Variants in USP37 observed in about 807,000 individuals in gnomAD.
USP37 encodes the protein ubiquitin specific peptidase 37, also known as ubiquitin carboxyl-terminal hydrolase 37.
Under a neutral mutation model 124.0 loss-of-function variants are expected in USP37, and 27 were observed. The observed-to-expected ratio is 0.22, with a 90% CI of 0.16 to 0.30. The LOEUF is 0.30. Among genes scored for constraint, USP37 ranks in the 10% least tolerant of loss-of-function variants. The pLI is 1.00. For missense variants in USP37, 889 were observed against 1,140.4 expected (o/e 0.78, Z 3.17); for synonymous variants, 365 against 388.0 (o/e 0.94, Z 0.70).
chr2:218,523,144 T>A (rs1270194898), intron 10 of USP37, among the ~76,000 whole-genome samples: 1 of 151,936 alleles, frequency 6.6e-6, no homozygotes, highest in Non-Finnish European at 1.5e-5. Context: ...GCGCCTATAA[T>A]CCCAGCTACT....
At chr2:218,494,613 G>A (rs1218345899) in intron 14 of USP37, among the ~76,000 whole-genome samples, 1 of 152,188 alleles carries the variant, frequency 6.6e-6, no homozygotes, top group African/African-American at 2.4e-5. Context: ...TAAAGACTAT[G>A]TGTGAGTCAA....
intron 18 of USP37, among the ~76,000 whole-genome samples, chr2:218,477,950 A>C (rs1401104312): frequency 1.3e-5 from 2 of 152,228 alleles, no homozygotes; most frequent in East Asian, 3.8e-4. Flanking sequence ...AGGTAAGCCG[A>C]AAATAAACTA....
At chr2:218,501,443 C>T (rs1559190117) in intron 11 of USP37, among the ~76,000 whole-genome samples, 1 of 152,090 alleles carries the variant, frequency 6.6e-6, no homozygotes, top group Non-Finnish European at 1.5e-5. Flanking sequence ...ACTGCTTCTG[C>T]TTCTGCCTAT....
At chr2:218,487,941 T>C (rs962872235) in intron 15 of USP37, among the ~76,000 whole-genome samples, 2 of 150,582 alleles carry the variant, frequency 1.3e-5, no homozygotes, top group African/African-American at 4.9e-5. Flanking sequence ...CCCAGGACTT[T>C]GGGAGGCCAA....
chr2:218,497,914 T>C, intron 12 of USP37, 57 bp from the exon 13 acceptor site: 1 of 1,587,236 alleles, frequency 6.3e-7, no homozygotes. Flanking sequence ...CGTGATATTT[T>C]AAAGAATAAT....
intron 1 of USP37, among the ~76,000 whole-genome samples, chr2:218,565,213 G>A (rs1004347098): frequency 6.6e-6 from 1 of 152,226 alleles, no homozygotes; most frequent in African/African-American, 2.4e-5. Context: ...ATGAGCCAAT[G>A]CAGCTGGCCA....
At chr2:218,471,619 T>C (rs572739637) in intron 20 of USP37, among the ~76,000 whole-genome samples, 74 of 152,360 alleles carry the variant, frequency 4.9e-4, no homozygotes, top group Admixed American at 2.8e-3. Flanking sequence ...TCCCACCAAC[T>C]GTGCCTTCCT....
chr2:218,505,986 CCT>C (rs1413856534), intron 11 of USP37, among the ~76,000 whole-genome samples: 7 of 151,758 alleles, frequency 4.6e-5, no homozygotes, highest in Non-Finnish European at 1.0e-4. Context: ...GCCTCAGTCC[CCT>C]GAGTATCTGG....
intron 20 of USP37, among the ~76,000 whole-genome samples, chr2:218,468,184 C>T (rs1241268857): frequency 1.3e-5 from 2 of 151,568 alleles, no homozygotes; most frequent in African/African-American, 4.9e-5. Context: ...GCCACCATAC[C>T]CGGCAATTTC....
chr2:218,496,768 C>G (rs2105989444), intron 13 of USP37, among the ~76,000 whole-genome samples: 1 of 152,170 alleles, frequency 6.6e-6, no homozygotes, highest in African/African-American at 2.4e-5. Flanking sequence ...CCTGCATCAG[C>G]CTCCCAAGTA....
In USP37 at chr2:218,488,328, T is replaced by C. The variant is rs1319960417; in HGVS notation, c.1566A>G (p.Gln522=). Residue 522 remains glutamine (Q), a synonymous_variant, in exon 15 of 26, where the codon CAA becomes CAG. Coordinates refer to ENST00000258399, the MANE Select transcript of USP37 (RefSeq NM_020935.3). ...RKKPLPPRSI[Q]DSLDLFFRAE... is the part of the protein sequence containing the mutation. ...CCCTAAAGAAAAGATCAAGAGAATC[T>C]TGAATTGAACGAGGAGGGAGTGGTT... 1 of 1,607,396 alleles carries C rather than the reference T, an allele frequency of 6.2e-7. No individual in the cohort carries two copies. Among genetic ancestry groups the C allele is most frequent in the Non-Finnish European group, 8.5e-7 (1 of 1,176,382 alleles).
chr2:218,513,976 A>AT (rs151266138), intron 10 of USP37, among the ~76,000 whole-genome samples: 29 of 150,072 alleles, frequency 1.9e-4, no homozygotes, highest in African/African-American at 4.4e-4. Flanking sequence ...CGCCCTGCTA[A>AT]TTTTTTTTTT....
intron 7 of USP37, among the ~76,000 whole-genome samples, chr2:218,546,522 G>A (rs948393695): frequency 2.0e-5 from 3 of 152,102 alleles, no homozygotes; most frequent in Admixed American, 6.6e-5. Context: ...AGGTTCAAGC[G>A]ATTCTCCTGC....
chr2:218,478,348 A>C (rs551555513), intron 18 of USP37, among the ~76,000 whole-genome samples: 1 of 152,328 alleles, frequency 6.6e-6, no homozygotes, highest in South Asian at 2.1e-4. Flanking sequence ...CACGCTCACC[A>C]AGCAAACCTG....
Position 218,546,243 on chromosome 2 carries a change from G to A in USP37, c.658C>T (p.Pro220Ser), listed in dbSNP as rs762234929. The change falls in exon 8 of 26, where the codon CCT becomes TCT. Residue 220 changes from proline (P) to serine (S), a missense_variant. Physicochemically the swap from Pro to Ser is moderately conservative, Grantham distance 74 (BLOSUM62 -1). Coordinates refer to ENST00000258399, the MANE Select transcript of USP37 (RefSeq NM_020935.3). The stretch of plus-strand genomic sequence containing the variant: ...TACGATGATGAATCATTTTCCTTAG[G>A]GTAATCTTCATTCAATTCTGAGCCA... ...STGSELNEDY[P>S]KENDSSSNNK... 9.9e-6 allele frequency: 16 copies of A among 1,612,680 alleles called. No individual in the cohort carries two copies. The South Asian group carries it at 1.6e-4, about 17-fold the overall frequency.
intron 11 of USP37, among the ~76,000 whole-genome samples, chr2:218,506,858 G>A (rs1230013475): frequency 2.6e-5 from 4 of 151,268 alleles, no homozygotes; most frequent in South Asian, 2.1e-4. Context: ...GTGCAGTGGC[G>A]CGATCTCAGC....
chr2:218,467,415 C>T (rs544120813), intron 20 of USP37, among the ~76,000 whole-genome samples: 10 of 152,004 alleles, frequency 6.6e-5, no homozygotes, highest in Non-Finnish European at 1.3e-4. Context: ...GTGGCGCGAT[C>T]TCGGCTCACT....
At chr2:218,479,777 A>G in intron 17 of USP37, 62 bp from the exon 18 acceptor site, 1 of 973,286 alleles carries the variant, frequency 1.0e-6, no homozygotes, top group Admixed American at 3.7e-5. Context: ...ATATATTTAA[A>G]TTATAAAATG....
intron 15 of USP37, 129 bp downstream of exon 15, chr2:218,488,175 C>CAAAAAAAAA (rs66581703): frequency 2.5e-4 from 88 of 349,696 alleles, no homozygotes; most frequent in African/African-American, 1.1e-3. Flanking sequence ...GACCCTGTCT[C>CAAAAAAAAA]AAAAAAAAAA....
Sources: allele counts gnomAD v4.1 joint callset (sites outside exome capture counted in the v4.1 genomes callset), GRCh38; gene constraint gnomAD v4.1.1; transcripts MANE v1.5; gene names NCBI Gene and HGNC (gene_info 2026-07-23, HGNC 2026-07-21).